The following PTPRA variants were observed in gnomAD, a reference collection of about 807,000 sequenced individuals.
PTPRA encodes protein tyrosine phosphatase receptor type A.
PTPRA carries 25 observed loss-of-function variants against 104.8 expected under a neutral mutation model. The observed-to-expected ratio is 0.24, with a 90% confidence interval of 0.17 to 0.33. The LOEUF (loss-of-function observed/expected upper bound fraction) is 0.33, where lower values mean the gene tolerates loss of function less well. Among genes scored for constraint, PTPRA ranks in the 10% least tolerant of loss-of-function variants. PTPRA has a pLI of 1.00. For synonymous variants in PTPRA, 323 were observed against 368.9 expected, an observed-to-expected ratio of 0.88 and a Z score of 1.43; for missense variants, 765 against 1,015.3, an observed-to-expected ratio of 0.75 and a Z score of 3.35.
At chr20:2,953,148 G>C (rs1320582964) in intron 3 of PTPRA, among the ~76,000 whole-genome samples, 2 of 152,040 alleles carry the variant, frequency 1.3e-5, no homozygotes, top group African/African-American at 4.8e-5. Flanking sequence ...TATAGTAGTG[G>C]TACCATTTAC....
intron 3 of PTPRA, among the ~76,000 whole-genome samples, chr20:2,963,105 G>A (rs775559869): frequency 5.3e-5 from 8 of 152,110 alleles, no homozygotes; most frequent in Non-Finnish European, 1.0e-4. Flanking sequence ...TACATGGTTC[G>A]AGGTGGAATA....
At chr20:2,909,021 C>T (rs747588055) in intron 1 of PTPRA, among the ~76,000 whole-genome samples, 7 of 152,176 alleles carry the variant, frequency 4.6e-5, no homozygotes, top group Non-Finnish European at 1.0e-4. Context: ...AGCCACTCCA[C>T]TCTGCCAGTC....
intron 2 of PTPRA, among the ~76,000 whole-genome samples, chr20:2,939,975 T>TGG (rs1342731454): frequency 6.6e-6 from 1 of 152,106 alleles, no homozygotes; most frequent in Non-Finnish European, 1.5e-5. Flanking sequence ...CCGGGCATGG[T>TGG]GGGGGACGCC....
At chr20:3,014,081 C>T (rs753139100) in intron 11 of PTPRA, among the ~76,000 whole-genome samples, 19 of 152,092 alleles carry the variant, frequency 1.2e-4, no homozygotes, top group Non-Finnish European at 1.2e-4. Context: ...GAATATGATG[C>T]GCTTAACGTA....
intron 20 of PTPRA, among the ~76,000 whole-genome samples, chr20:3,029,991 G>A (rs1191917656): frequency 6.6e-6 from 1 of 152,152 alleles, no homozygotes; most frequent in South Asian, 2.1e-4. Flanking sequence ...CTGATCAGTC[G>A]TGATGGAACC....
At chr20:2,951,130 C>T (rs757006313) in intron 3 of PTPRA, among the ~76,000 whole-genome samples, 3 of 151,844 alleles carry the variant, frequency 2.0e-5, no homozygotes, top group Admixed American at 1.3e-4. Context: ...GACGGAGTCT[C>T]GCTTTGTCAC....
intron 10 of PTPRA, among the ~76,000 whole-genome samples, chr20:3,006,156 C>A (rs781740611): frequency 6.6e-6 from 1 of 151,966 alleles, no homozygotes; most frequent in African/African-American, 2.4e-5. Context: ...GTGAGCCCAG[C>A]CAGTATATTT....
intron 20 of PTPRA, among the ~76,000 whole-genome samples, chr20:3,030,732 C>G (rs1407617659): frequency 1.7e-5 from 2 of 117,900 alleles, no homozygotes; most frequent in Non-Finnish European, 3.2e-5. Context: ...GTCCACCAGA[C>G]TGGAGTGCAG....
upstream of PTPRA, among the ~76,000 whole-genome samples, chr20:2,869,374 A>C (rs2089401122): frequency 6.6e-6 from 1 of 152,230 alleles, no homozygotes; most frequent in Admixed American, 6.5e-5. Flanking sequence ...TGCAATCCAC[A>C]GATCTTAAAT....
intron 3 of PTPRA, among the ~76,000 whole-genome samples, chr20:2,954,925 T>C (rs1020183244): frequency 5.3e-5 from 8 of 152,322 alleles, no homozygotes; most frequent in Middle Eastern, 3.4e-3. Flanking sequence ...ATATACAGTT[T>C]TCTGAGTACC....
chr20:2,898,782 C>T (rs559968557), intron 1 of PTPRA, among the ~76,000 whole-genome samples: 64 of 151,950 alleles, frequency 4.2e-4, no homozygotes, highest in African/African-American at 1.4e-3. Context: ...TGCTTGAACC[C>T]GGGAGGCGGA....
In PTPRA at chr20:2,892,366, G is replaced by A. The variant is rs957032741; in HGVS notation, c.-129+18606G>A. On this transcript the variant is annotated intron_variant, in intron 1 of 23. Transcript: ENST00000399903. The stretch of plus-strand genomic sequence containing the variant: ...GAAGCATGGATTCACATTATAGATG[G>A]TCCCTGATTTATGATGGTTCAACTT... Among the ~76,000 whole-genome samples the A allele has an allele frequency of 1.8e-4, 28 of 151,928 alleles. 1 individual carries two copies. The highest frequency in any genetic ancestry group is 8.8e-5 in the Non-Finnish European group (6 of 67,996).
At chr20:2,866,795 A>G in the PTPRA span, 1 of 626,084 alleles carries the variant, frequency 1.6e-6, no homozygotes, top group Admixed American at 3.3e-5. Context: ...TCCTCCAGAC[A>G]CCACAGCAAA....
intron 2 of PTPRA, among the ~76,000 whole-genome samples, chr20:2,936,349 GACA>G (rs1401360727): frequency 6.6e-6 from 1 of 152,062 alleles, no homozygotes; most frequent in African/African-American, 2.4e-5. Context: ...TTTTAATAGA[GACA>G]GGGTCTTGCT....
intron 1 of PTPRA, among the ~76,000 whole-genome samples, chr20:2,899,326 T>C (rs1342599415): frequency 1.3e-5 from 2 of 152,206 alleles, no homozygotes; most frequent in Non-Finnish European, 2.9e-5. Flanking sequence ...AGGCCAATAT[T>C]ATTGAAAATG....
intron 1 of PTPRA, among the ~76,000 whole-genome samples, chr20:2,907,454 G>A (rs575981737): frequency 2.1e-4 from 32 of 152,264 alleles, no homozygotes; most frequent in African/African-American, 7.0e-4. Context: ...AACATGGTTG[G>A]TTTAATAATT....
chr20:3,007,262 A>T, intron 10 of PTPRA, 82 bp from the exon 11 acceptor site: 1 of 1,333,120 alleles, frequency 7.5e-7, no homozygotes, highest in South Asian at 1.2e-5. Context: ...ATAGGCACAG[A>T]TGTCTCAACT....
chr20:2,886,553 A>C (rs1008297063), intron 1 of PTPRA, among the ~76,000 whole-genome samples: 1 of 152,148 alleles, frequency 6.6e-6, no homozygotes, highest in East Asian at 1.9e-4. Context: ...TGTTAGAAAT[A>C]GAAAAATGTG....
chr20:2,962,823 A>G (rs1186390503), intron 3 of PTPRA, among the ~76,000 whole-genome samples: 1 of 152,314 alleles, frequency 6.6e-6, no homozygotes, highest in East Asian at 1.9e-4. Flanking sequence ...TGCTGGTACC[A>G]GGGGCAAACT....
Sources: gnomAD v4.1 joint callset for allele counts (sites outside exome capture counted in the v4.1 genomes callset) on GRCh38, gnomAD v4.1.1 for gene constraint, MANE v1.5 for transcripts, NCBI Gene and HGNC (gene_info 2026-07-23, HGNC 2026-07-21) for gene names.